Variants in CPNE8 observed in about 807,000 individuals in gnomAD.
The protein encoded by CPNE8 is copine 8, also known as copine-8.
Under a neutral mutation model 81.5 loss-of-function variants are expected in CPNE8, and 45 were observed. The ratio of observed to expected loss-of-function variants is 0.55; its 90% CI spans 0.44 to 0.71. CPNE8 has a LOEUF of 0.71. Among genes scored for constraint, CPNE8 ranks in the 30% least tolerant of loss-of-function variants. The probability of loss-of-function intolerance (pLI) is 0.00; values close to 1 mark genes in which losing one functional copy is unlikely to be tolerated. For missense variants in CPNE8, 594 were observed against 672.1 expected (o/e 0.88, Z 1.28); for synonymous variants, 252 against 226.3 (o/e 1.11, Z -1.02).
chr12:38,663,901 C>T (rs1016708305), intron 19 of CPNE8, among the ~76,000 whole-genome samples: 1 of 152,022 alleles, frequency 6.6e-6, no homozygotes, highest in African/African-American at 2.4e-5. Context: ...TGTTCTCCCT[C>T]ATATGTGTAA....
At chr12:38,822,146 A>G (rs1299948268) in intron 6 of CPNE8, among the ~76,000 whole-genome samples, 1 of 152,114 alleles carries the variant, frequency 6.6e-6, no homozygotes, top group Admixed American at 6.6e-5. Context: ...ATAAAAAAAT[A>G]TTTTATTCTT....
chr12:38,873,782 T>C (rs747948519), intron 2 of CPNE8, among the ~76,000 whole-genome samples: 14 of 152,174 alleles, frequency 9.2e-5, no homozygotes, highest in Non-Finnish European at 1.5e-4. Context: ...CGGAAACACA[T>C]TGATTTATAC....
Position 38,796,284 on chromosome 12 carries a change from C to T in CPNE8, c.408-19983G>A, listed in dbSNP as rs556015058. Among the ~76,000 whole-genome samples, 38 of 151,388 alleles carry T rather than the reference C, an allele frequency of 2.5e-4. 1 individual carries two copies. In the East Asian group the frequency reaches 7.4e-3, roughly 29 times the overall value. ...CCTGGGAGAGAGAGTGGGACTCCAT[C>T]TCAAAAAATTAAAAACAAAAAAAAA... On this transcript the variant is annotated intron_variant, in intron 6 of 19. Coordinates refer to ENST00000331366, the MANE Select transcript of CPNE8 (RefSeq NM_153634.3).
intron 14 of CPNE8, among the ~76,000 whole-genome samples, chr12:38,698,814 A>C (rs77059166): frequency 0.011 from 1,622 of 152,332 alleles, 33 homozygotes; most frequent in African/African-American, 0.036. Flanking sequence ...GTAAGTTTTA[A>C]AAGTGAGAAA....
chr12:38,740,194 CTGTT>C (rs1941060617), intron 10 of CPNE8, among the ~76,000 whole-genome samples: 3 of 152,086 alleles, frequency 2.0e-5, no homozygotes, highest in South Asian at 2.1e-4. Context: ...ATTTGGCTCT[CTGTT>C]TGTCTGTTAT....
intron 6 of CPNE8, among the ~76,000 whole-genome samples, chr12:38,796,906 G>T (rs1319418882): frequency 2.6e-5 from 4 of 152,188 alleles, no homozygotes; most frequent in Non-Finnish European, 5.9e-5. Flanking sequence ...CCCGCACATG[G>T]CTCAGAGGGT....
chr12:38,655,758 G>C (rs1199568713), intron 19 of CPNE8, among the ~76,000 whole-genome samples: 1 of 151,914 alleles, frequency 6.6e-6, no homozygotes, highest in Non-Finnish European at 1.5e-5. Context: ...ATGCAATGAA[G>C]GTAGTCTCTT....
rs2136626430 is a variant in CPNE8 at position 38,653,843 on chromosome 12, C to G, written c.*39G>C. The G allele has an allele frequency of 1.9e-6, 3 of 1,598,374 alleles. No homozygotes were observed. The highest frequency in any genetic ancestry group is 2.6e-6 in the Non-Finnish European group (3 of 1,174,944). On this transcript the variant is annotated 3_prime_UTR_variant, in exon 20 of 20. Transcript: ENST00000331366. ...CCAGGCACAAAGCATTAACTCAGCA[C>G]TTTTGATTTGTAGTTGACATTAGCA...
intron 15 of CPNE8, 118 bp from the exon 16 acceptor site, chr12:38,685,735 C>G (rs1939518761): frequency 1.0e-6 from 1 of 1,002,008 alleles, no homozygotes; most frequent in African/African-American, 1.6e-5. Flanking sequence ...TTGAGGAACT[C>G]TTATTCATAA....
At position 38,709,379 on chromosome 12, in the gene CPNE8, A is replaced by T. The variant is rs538320649; in HGVS notation, c.915-6458T>A. 1.1e-3 allele frequency among the ~76,000 whole-genome samples: 162 copies of T among 152,370 alleles called. 1 individual carries two copies. The highest frequency in any genetic ancestry group is 3.8e-3 in the African/African-American group (156 of 41,586). The stretch of plus-strand genomic sequence containing the variant: ...TTCAAAATTCTGGCATCCCATGCCC[A>T]TGAACTACTCAGTGAATTAACCTTG... On this transcript the variant is annotated intron_variant, in intron 13 of 19. Transcript: ENST00000331366.
At chr12:38,803,856 AC>A (rs1375617161) in intron 6 of CPNE8, among the ~76,000 whole-genome samples, 7 of 42,236 alleles carry the variant, frequency 1.7e-4, no homozygotes, top group Admixed American at 6.6e-4. Flanking sequence ...GCATTCTTAT[AC>A]ACCAACAACA....
rs1271511923 is a variant in CPNE8 at position 38,670,732 on chromosome 12, C to G, written c.1503G>C (p.Val501=). 2 of 1,602,756 alleles carry G rather than the reference C, an allele frequency of 1.2e-6. No individual in the cohort carries two copies. The highest frequency in any genetic ancestry group is 2.2e-5 in the South Asian group (2 of 90,078). ...TAGGAAAAGGTTTATTTCTTACCTGCACAATGTCTCTTTCAGCATATTTTC... is the reference window on the plus strand; with the variant it reads ...TAGGAAAAGGTTTATTTCTTACCTGGACAATGTCTCTTTCAGCATATTTTC... The part of the protein sequence containing the change: ...SRGKYAERDI[V]QFVPFRDYID... The change falls in exon 19 of 20, where the codon GTG becomes GTC. Residue 501 remains valine (V), a synonymous_variant. Coordinates refer to ENST00000331366, the MANE Select transcript of CPNE8 (RefSeq NM_153634.3).
chr12:38,906,359 A>C, upstream of CPNE8: 1 of 985,534 alleles, frequency 1.0e-6, no homozygotes, highest in South Asian at 4.7e-5. Context: ...AGGTGGAAAA[A>C]ACAATACTAC....
At chr12:38,847,714 G>A (rs1312043695) in intron 4 of CPNE8, among the ~76,000 whole-genome samples, 1 of 152,240 alleles carries the variant, frequency 6.6e-6, no homozygotes, top group Non-Finnish European at 1.5e-5. Flanking sequence ...TAACAGTAAA[G>A]AGCTGTTATT....
intron 13 of CPNE8, among the ~76,000 whole-genome samples, chr12:38,714,108 T>C (rs1940327886): frequency 6.6e-6 from 1 of 152,106 alleles, no homozygotes; most frequent in African/African-American, 2.4e-5. Context: ...AGAACCAAAT[T>C]GAAATTTATG....
At chr12:38,670,129 G>A (rs1331987869) in intron 19 of CPNE8, among the ~76,000 whole-genome samples, 3 of 152,024 alleles carry the variant, frequency 2.0e-5, no homozygotes, top group African/African-American at 7.2e-5. Flanking sequence ...ATTAATGACT[G>A]TATTATGGGT....
intron 10 of CPNE8, among the ~76,000 whole-genome samples, chr12:38,731,936 T>G (rs1322811684): frequency 2.0e-5 from 3 of 151,762 alleles, no homozygotes; most frequent in Non-Finnish European, 4.4e-5. Flanking sequence ...TTATGAAGGT[T>G]TTTTTTTAGA....
chr12:38,802,982 C>T (rs1942716851), intron 6 of CPNE8, among the ~76,000 whole-genome samples: 1 of 140,050 alleles, frequency 7.1e-6, no homozygotes, highest in African/African-American at 2.7e-5. Flanking sequence ...CTGAATAGAC[C>T]AATAACAGGC....
At chr12:38,847,932 T>C (rs933886558) in intron 4 of CPNE8, among the ~76,000 whole-genome samples, 1 of 152,146 alleles carries the variant, frequency 6.6e-6, no homozygotes, top group Non-Finnish European at 1.5e-5. Flanking sequence ...ACAGATTTCC[T>C]TTTAACCATA....
Sources: allele counts gnomAD v4.1 joint callset (sites outside exome capture counted in the v4.1 genomes callset), GRCh38; gene constraint gnomAD v4.1.1; transcripts MANE v1.5; gene names NCBI Gene and HGNC (gene_info 2026-07-23, HGNC 2026-07-21).